Variants in EPHA10 observed in about 807,000 individuals in gnomAD.
EPHA10 encodes ephrin type-A receptor 10.
In EPHA10, 120 loss-of-function variants were observed where a neutral mutation model predicts 109.7. The observed-to-expected ratio is 1.09, with a 90% CI of 0.94 to 1.27. The LOEUF (loss-of-function observed/expected upper bound fraction) is 1.27, where lower values mean the gene tolerates loss of function less well. Ranked by LOEUF, EPHA10 falls within the 50% of genes most tolerant of loss-of-function variation. EPHA10 has a pLI of 0.00. For synonymous variants in EPHA10, 640 were observed against 618.9 expected (o/e 1.03, Z -0.51); for missense variants, 1,396 against 1,411.1 (o/e 0.99, Z 0.17).
At chr1:37,727,031 C>A in intron 8 of EPHA10, 71 bp downstream of exon 8, 1 of 1,256,852 alleles carries the variant, frequency 8.0e-7, no homozygotes, top group Non-Finnish European at 1.1e-6. Context: ...GCAGAGATGC[C>A]TGTGAGCACA....
At chr1:37,743,812 G>T (rs1471359265) in intron 5 of EPHA10, among the ~76,000 whole-genome samples, 1 of 152,052 alleles carries the variant, frequency 6.6e-6, no homozygotes, top group Non-Finnish European at 1.5e-5. Flanking sequence ...ATGCATTTTT[G>T]ACTTATAATA....
At chr1:37,725,682 C>T (rs962843024) in intron 8 of EPHA10, among the ~76,000 whole-genome samples, 5 of 151,898 alleles carry the variant, frequency 3.3e-5, no homozygotes, top group African/African-American at 9.7e-5. Flanking sequence ...AGGACTTCCA[C>T]GAATGAGGAG....
intron 8 of EPHA10, 142 bp from the exon 9 acceptor site, chr1:37,723,514 A>G: frequency 2.1e-6 from 2 of 958,410 alleles, no homozygotes; most frequent in Non-Finnish European, 1.5e-6. Context: ...CAGCTGGTTT[A>G]AAAGCTTCTC....
rs115012516 is a variant in EPHA10 at position 37,735,454 on chromosome 1, G to C, written c.1358-64C>G. ...CCTCACGGCAGGGCTGGGGGTGCGG[G>C]GAAGAGGGTGCGGCGTGCGGGGCTG... is the stretch of plus-strand genomic sequence containing the variant. On this transcript the variant is annotated intron_variant, in intron 5 of 16. Transcript: ENST00000373048. 14,451 of 1,525,808 alleles carry C rather than the reference G, an allele frequency of 9.5e-3. 94 individuals are homozygous for C. Among genetic ancestry groups the C allele is most frequent in the South Asian group, 0.019 (1,507 of 78,802 alleles). The allele number at this position is 1,525,808 out of a possible 1,614,324, so 94.5% of individuals were successfully genotyped here.
chr1:37,741,726 T>C (rs1361495711), intron 5 of EPHA10, among the ~76,000 whole-genome samples: 1 of 149,366 alleles, frequency 6.7e-6, no homozygotes, highest in Non-Finnish European at 1.5e-5. Context: ...CTCAAAAAAA[T>C]CCTTTATTCC....
At chr1:37,753,258 C>T (rs1646358427) in intron 4 of EPHA10, 32 bp from the exon 5 acceptor site, 1 of 244,778 alleles carries the variant, frequency 4.1e-6, no homozygotes, top group Non-Finnish European at 4.8e-6. Context: ...GCGGTCAGGG[C>T]GGGGCGTGGG....
rs1399691031 is a variant in EPHA10 at position 37,762,807 on chromosome 1, C to G, written c.149G>C (p.Trp50Ser). ...DSKASQAELG[W>S]TALPSNGWEE... ...TACCCCATTACTTGGCAGTGCAGTC[C>G]AGCCCAGCTCGGCCTGGGAGGCTTT... The change falls in exon 2 of 17, where the codon TGG becomes TCG. Residue 50 changes from tryptophan (W) to serine (S), a missense_variant. Physicochemically the swap from Trp to Ser is radical, Grantham distance 177. Coordinates refer to ENST00000373048, the MANE Select transcript of EPHA10 (RefSeq NM_001099439.2). 2 of 1,553,780 alleles carry G rather than the reference C, an allele frequency of 1.3e-6. No individual in the cohort carries two copies. Among genetic ancestry groups the G allele is most frequent in the Non-Finnish European group, 8.7e-7 (1 of 1,147,914 alleles).
At chr1:37,740,908 G>C (rs957410204) in intron 5 of EPHA10, among the ~76,000 whole-genome samples, 1 of 152,128 alleles carries the variant, frequency 6.6e-6, no homozygotes, top group Non-Finnish European at 1.5e-5. Context: ...AAGAGGAAAA[G>C]CTTTTAGGGA....
chr1:37,715,840 C>T (rs559926556), downstream of EPHA10: 13 of 511,256 alleles, frequency 2.5e-5, no homozygotes, highest in African/African-American at 2.5e-4. Context: ...ACGGCAGGAG[C>T]AGTGTTGGAC....
intron 12 of EPHA10, 49 bp downstream of exon 12, chr1:37,720,734 G>T: frequency 6.2e-7 from 1 of 1,604,408 alleles, no homozygotes; most frequent in East Asian, 2.2e-5. Context: ...AGGGACCCCT[G>T]CCCGCTTTAC....
At position 37,718,559 on chromosome 1, in the gene EPHA10, T is replaced by C. The variant is rs574399834; in HGVS notation, c.2913-73A>G. The C allele has an allele frequency of 2.0e-5, 33 of 1,610,948 alleles. No individual in the cohort carries two copies. The African/African-American group carries it at 3.7e-4, about 18-fold the overall frequency. On this transcript the variant is annotated intron_variant, in intron 16 of 16. Coordinates refer to ENST00000373048, the MANE Select transcript of EPHA10 (RefSeq NM_001099439.2). Reference sequence around the variant, plus strand: ...CTCCTCCCATGAAGGCCCTCCACTCTCCCTCCGCTTCTCTGGACAGGTTGG... The same window carrying C: ...CTCCTCCCATGAAGGCCCTCCACTCCCCCTCCGCTTCTCTGGACAGGTTGG...
At chr1:37,732,663 T>C (rs1265605875) in intron 6 of EPHA10, among the ~76,000 whole-genome samples, 1 of 152,018 alleles carries the variant, frequency 6.6e-6, no homozygotes, top group Non-Finnish European at 1.5e-5. Context: ...TACCTGGGCA[T>C]TGGCAACGTG....
At chr1:37,739,109 C>A (rs978383333) in intron 5 of EPHA10, among the ~76,000 whole-genome samples, 1 of 151,720 alleles carries the variant, frequency 6.6e-6, no homozygotes, top group African/African-American at 2.4e-5. Context: ...ATGTAACAAA[C>A]CTGCACGCTG....
chr1:37,720,383 G>A lies in EPHA10; in HGVS notation c.2380C>T (p.Arg794Trp), dbSNP rs763155424. The A allele has an allele frequency of 3.4e-5, 55 of 1,611,818 alleles. No homozygotes were observed. Among genetic ancestry groups the A allele is most frequent in the African/African-American group, 3.1e-4 (23 of 74,902 alleles). The change falls in exon 13 of 17, where the codon CGG becomes TGG. Residue 794 changes from arginine to tryptophan, a missense_variant. Physicochemically the swap from Arg to Trp is moderately radical, Grantham distance 101. Transcript: ENST00000373048. The part of the protein sequence containing the change: ...CKISGFGRGP[R>W]DRSEAVYTTM... The stretch of plus-strand genomic sequence containing the variant: ...GTGTAGACAGCCTCTGATCGGTCCC[G>A]GGGGCCCCGCCCGAAGCCAGAGATC...
rs1646434498 is a variant in EPHA10, at chr1:37,761,790, G to A, written c.465C>T (p.Ile155=). 1.2e-6 allele frequency: 2 copies of A among 1,613,592 alleles called. No homozygotes were observed. Among genetic ancestry groups the A allele is most frequent in the Admixed American group, 1.7e-5 (1 of 59,984 alleles). ...CCTGCGTGAAGCTCTCGTCCGCCGC[G>A]ATCGTGTCGATTTTGCGGGGCCGGC... The part of the protein sequence containing the change: ...GGSRPRKIDT[I]AADESFTQGD... The change falls in exon 3 of 17, where the codon ATC becomes ATT. Residue 155 remains isoleucine, a synonymous_variant. Coordinates refer to ENST00000373048, the MANE Select transcript of EPHA10 (RefSeq NM_001099439.2).
intron 15 of EPHA10, 75 bp from the exon 16 acceptor site, chr1:37,718,891 C>T: frequency 6.6e-7 from 1 of 1,506,520 alleles, no homozygotes; most frequent in Non-Finnish European, 8.9e-7. Context: ...CGGGGAGAGG[C>T]CAGCTGAGGA....
Position 37,764,991 on chromosome 1 carries a change from C to T in EPHA10, c.76G>A (p.Gly26Arg), listed in dbSNP as rs1304025251. 1 of 1,610,790 alleles carries T rather than the reference C, an allele frequency of 6.2e-7. No individual in the cohort carries two copies. Among genetic ancestry groups the T allele is most frequent in the Non-Finnish European group, 8.5e-7 (1 of 1,179,222 alleles). The change falls in exon 1 of 17, where the codon GGA becomes AGA. Residue 26 changes from glycine (G) to arginine (R), a missense_variant. Coordinates refer to ENST00000373048, the MANE Select transcript of EPHA10 (RefSeq NM_001099439.2). This position sits in a 1 kb window ranked among gnomAD's most constrained non-coding sequence, Gnocchi z 5.8. ...TCGGCGGTCCCAGGCCGCCAGGGTC[C>T]CAAAAGCAGCGCGAGACAGAGCTGC... ...RMQLCLALLL[G>R]PWRPGTAEEV...
chr1:37,748,752 T>C (rs560361347), intron 5 of EPHA10, among the ~76,000 whole-genome samples: 1 of 152,238 alleles, frequency 6.6e-6, no homozygotes, highest in South Asian at 2.1e-4. Context: ...AATTTGGTCA[T>C]ATTGAAAATG....
At chr1:37,720,244 A>T in intron 13 of EPHA10, 107 bp downstream of exon 13, 1 of 1,414,748 alleles carries the variant, frequency 7.1e-7, no homozygotes, top group Non-Finnish European at 9.5e-7. Flanking sequence ...GCCAAGACCA[A>T]CTGGGTGGAG....
Sources: allele counts gnomAD v4.1 joint callset (sites outside exome capture counted in the v4.1 genomes callset), GRCh38; gene constraint gnomAD v4.1.1; non-coding constraint Gnocchi (gnomAD v3.1); transcripts MANE v1.5; gene names NCBI Gene and HGNC (gene_info 2026-07-23, HGNC 2026-07-21).